Variants in GABBR2 observed in about 807,000 individuals in gnomAD.
GABBR2 encodes the protein gamma-aminobutyric acid type B receptor subunit 2, also known as G-protein coupled receptor 51.
Under a neutral mutation model 105.6 loss-of-function variants are expected in GABBR2, and 23 were observed. The observed-to-expected ratio is 0.22, with a 90% CI of 0.16 to 0.31. The LOEUF (loss-of-function observed/expected upper bound fraction) is 0.31, where lower values mean the gene tolerates loss of function less well. Ranked by LOEUF, GABBR2 falls within the 10% of genes least tolerant of loss-of-function variation. GABBR2 has a pLI of 1.00. For synonymous variants in GABBR2, 478 were observed against 499.7 expected (o/e 0.96, Z 0.58); for missense variants, 734 against 1,245.5 (o/e 0.59, Z 6.18).
rs138378148 is a variant in GABBR2 at position 98,606,223 on chromosome 9, G to A, written c.322-28151C>T. ...AGTCTTTGCTATTGTGAATAGTGCC[G>A]CAGTAAACATACGTGTGCGTGTGTC... is the stretch of plus-strand genomic sequence containing the variant. On this transcript the variant is annotated intron_variant, in intron 1 of 18. Transcript: ENST00000259455. Among the ~76,000 whole-genome samples the A allele has an allele frequency of 3.8e-3, 585 of 152,242 alleles. 1 individual carries two copies. Among genetic ancestry groups the A allele is most frequent in the Middle Eastern group, 0.02 (6 of 294 alleles).
At chr9:98,398,565 C>G (rs1832335469) in intron 8 of GABBR2, among the ~76,000 whole-genome samples, 1 of 152,126 alleles carries the variant, frequency 6.6e-6, no homozygotes, top group African/African-American at 2.4e-5. Context: ...TGTGACGTCC[C>G]CTCATGGGTC....
intron 1 of GABBR2, among the ~76,000 whole-genome samples, chr9:98,663,721 C>T (rs545151271): frequency 9.3e-5 from 14 of 150,910 alleles, no homozygotes; most frequent in African/African-American, 3.4e-4. Context: ...ATTTTGCAGA[C>T]CTGAAAGCCT....
chr9:98,400,415 C>T (rs1265527437), intron 8 of GABBR2, among the ~76,000 whole-genome samples: 1 of 152,118 alleles, frequency 6.6e-6, no homozygotes, highest in East Asian at 1.9e-4. Context: ...CACAGGAATC[C>T]TCTGCCAGTG....
At chr9:98,499,852 A>G (rs1252282912) in intron 3 of GABBR2, among the ~76,000 whole-genome samples, 1 of 152,154 alleles carries the variant, frequency 6.6e-6, no homozygotes, top group East Asian at 1.9e-4. Context: ...AGGAGTTCAA[A>G]ACCAGCCTGG....
At chr9:98,426,389 A>G (rs911943800) in intron 7 of GABBR2, among the ~76,000 whole-genome samples, 9 of 152,212 alleles carry the variant, frequency 5.9e-5, no homozygotes, top group Admixed American at 3.3e-4. Context: ...TGCATCTGCC[A>G]GTGTGTGTAT....
chr9:98,496,953 G>A (rs1277351063), intron 3 of GABBR2, among the ~76,000 whole-genome samples: 1 of 152,216 alleles, frequency 6.6e-6, no homozygotes, highest in Non-Finnish European at 1.5e-5. Context: ...AAGGAAAGAG[G>A]AAAGAAGTAT....
At chr9:98,387,909 T>G (rs10120040) in intron 10 of GABBR2, among the ~76,000 whole-genome samples, 22,676 of 152,168 alleles carry the variant, frequency 0.15, 2,122 homozygotes, top group African/African-American at 0.26. Flanking sequence ...AAAAAACTGT[T>G]TTCTTCAGAA....
chr9:98,337,363 C>G (rs139352243), intron 13 of GABBR2, among the ~76,000 whole-genome samples: 1 of 152,108 alleles, frequency 6.6e-6, no homozygotes, highest in Non-Finnish European at 1.5e-5. Context: ...GAAAAGATAG[C>G]CCATGTTCAT....
intron 3 of GABBR2, among the ~76,000 whole-genome samples, chr9:98,524,631 G>A (rs528012633): frequency 3.3e-5 from 5 of 152,100 alleles, no homozygotes; most frequent in East Asian, 1.9e-4. Context: ...AAACTTTGGC[G>A]CCATCTTTGA....
chr9:98,645,597 C>T (rs1042880259), intron 1 of GABBR2, among the ~76,000 whole-genome samples: 2 of 152,172 alleles, frequency 1.3e-5, no homozygotes, highest in Non-Finnish European at 2.9e-5. Flanking sequence ...GTCCCCACCC[C>T]ACCCCTAAGG....
chr9:98,328,646 G>A (rs1019314301), intron 13 of GABBR2, among the ~76,000 whole-genome samples: 3 of 152,178 alleles, frequency 2.0e-5, no homozygotes, highest in African/African-American at 7.2e-5. Context: ...AGTGTAGCAG[G>A]GAAGTGAAAT....
chr9:98,397,096 T>C (rs1832306473), intron 8 of GABBR2, among the ~76,000 whole-genome samples: 1 of 152,220 alleles, frequency 6.6e-6, no homozygotes, highest in South Asian at 2.1e-4. Context: ...CTCCTAGTTC[T>C]GAATTCAGCA....
chr9:98,693,840 G>T (rs1227367848), intron 1 of GABBR2, among the ~76,000 whole-genome samples: 1 of 152,232 alleles, frequency 6.6e-6, no homozygotes, highest in Admixed American at 6.5e-5. Flanking sequence ...GTGGACACAA[G>T]GTTGGAATTA....
At chr9:98,585,114 T>C (rs1490329459) in intron 1 of GABBR2, among the ~76,000 whole-genome samples, 3 of 152,170 alleles carry the variant, frequency 2.0e-5, no homozygotes, top group Non-Finnish European at 4.4e-5. Context: ...GGACAGATTT[T>C]TTGGGCATGT....
chr9:98,357,586 G>A (rs2131435848), intron 13 of GABBR2, among the ~76,000 whole-genome samples: 1 of 152,222 alleles, frequency 6.6e-6, no homozygotes, highest in East Asian at 1.9e-4. Flanking sequence ...GAGGTGCAGT[G>A]AGCCGTGATC....
chr9:98,626,863 C>A (rs1325905377), intron 1 of GABBR2, among the ~76,000 whole-genome samples: 1 of 152,212 alleles, frequency 6.6e-6, no homozygotes, highest in Non-Finnish European at 1.5e-5. Flanking sequence ...TCTTGAACTT[C>A]TCTTCCAGAT....
intron 6 of GABBR2, among the ~76,000 whole-genome samples, chr9:98,458,980 C>T (rs1218563579): frequency 6.6e-6 from 1 of 152,176 alleles, no homozygotes; most frequent in Admixed American, 6.5e-5. Context: ...CAGAACTTTC[C>T]ACTTAGGGAA....
chr9:98,689,715 C>T (rs994287944), intron 1 of GABBR2, among the ~76,000 whole-genome samples: 4 of 152,214 alleles, frequency 2.6e-5, no homozygotes, highest in Admixed American at 6.5e-5. Context: ...GTTTATGGCA[C>T]GGTTATGTTC....
At chr9:98,661,212 G>T (rs1830257139) in intron 1 of GABBR2, among the ~76,000 whole-genome samples, 2 of 152,116 alleles carry the variant, frequency 1.3e-5, no homozygotes, top group Non-Finnish European at 2.9e-5. Flanking sequence ...CCAGCCGCAA[G>T]ATTCTTAACT....
Sources: allele counts gnomAD v4.1 joint callset (sites outside exome capture counted in the v4.1 genomes callset), GRCh38; gene constraint gnomAD v4.1.1; transcripts MANE v1.5; gene names NCBI Gene and HGNC (gene_info 2026-07-23, HGNC 2026-07-21).